The following AGMO variants were observed in gnomAD, a reference collection of about 807,000 sequenced individuals.
AGMO encodes glyceryl-ether monooxygenase.
Under a neutral mutation model 60.2 loss-of-function variants are expected in AGMO, and 75 were observed. The ratio of observed to expected loss-of-function variants is 1.25; its 90% CI spans 1.03 to 1.51. The LOEUF (loss-of-function observed/expected upper bound fraction) is 1.51. Ranked by LOEUF, AGMO falls within the 40% of genes most tolerant of loss-of-function variation. The pLI is 0.00. For missense variants in AGMO, 763 were observed against 525.5 expected (o/e 1.45, Z -4.42); for synonymous variants, 261 against 177.1 (o/e 1.47, Z -3.76).
chr7:15,408,312 G>A (rs1430398552), intron 5 of AGMO, among the ~76,000 whole-genome samples: 8 of 151,820 alleles, frequency 5.3e-5, no homozygotes, highest in Non-Finnish European at 1.2e-4. Context: ...CTCATGTTAG[G>A]AGCACCCTAA....
Position 15,387,389 on chromosome 7 carries a change from C to T in AGMO, c.957+17G>A. 1 of 1,610,272 alleles carries T rather than the reference C, an allele frequency of 6.2e-7. No homozygotes were observed. Among genetic ancestry groups the T allele is most frequent in the Non-Finnish European group, 8.5e-7 (1 of 1,178,526 alleles). On this transcript the variant is annotated intron_variant, in intron 9 of 12. Coordinates refer to ENST00000342526, the MANE Select transcript of AGMO (RefSeq NM_001004320.2). ...GAGACAATCTTCACCATCTCCAATT[C>T]TGTGAACTCTATTTACCTCTGGAAT...
At chr7:15,225,772 ATT>A (rs968124875) in intron 12 of AGMO, among the ~76,000 whole-genome samples, 3 of 151,994 alleles carry the variant, frequency 2.0e-5, no homozygotes, top group African/African-American at 7.2e-5. Context: ...TTCATAAAAT[ATT>A]TAGGAAAAAC....
intron 12 of AGMO, among the ~76,000 whole-genome samples, chr7:15,234,277 T>G (rs902055447): frequency 6.6e-6 from 1 of 152,204 alleles, no homozygotes; most frequent in Admixed American, 6.5e-5. Context: ...AGCTATTTCC[T>G]TGCCATTCCT....
At chr7:15,388,813 C>G (rs1203190332) in intron 8 of AGMO, among the ~76,000 whole-genome samples, 4 of 152,080 alleles carry the variant, frequency 2.6e-5, no homozygotes, top group African/African-American at 9.7e-5. Context: ...TCAAGTATTC[C>G]TAATTATCAC....
chr7:15,542,345 C>G (rs1176375588), intron 3 of AGMO, among the ~76,000 whole-genome samples: 1 of 152,010 alleles, frequency 6.6e-6, no homozygotes, highest in Non-Finnish European at 1.5e-5. Context: ...GGATTCAGTT[C>G]AAAATTTCTA....
chr7:15,287,364 T>C (rs1280816032), intron 12 of AGMO, among the ~76,000 whole-genome samples: 1 of 152,166 alleles, frequency 6.6e-6, no homozygotes, highest in East Asian at 1.9e-4. Context: ...TCCACTCCTA[T>C]TTTCTTTGCC....
chr7:15,389,086 G>A (rs112540441), intron 8 of AGMO, among the ~76,000 whole-genome samples: 3 of 152,038 alleles, frequency 2.0e-5, no homozygotes, highest in Admixed American at 6.6e-5. Flanking sequence ...TATAAATGCC[G>A]TTTTCCTCAG....
At chr7:15,394,216 A>G in intron 5 of AGMO, 37 bp from the exon 6 acceptor site, 5 of 1,386,444 alleles carry the variant, frequency 3.6e-6, no homozygotes, top group South Asian at 1.2e-5. Flanking sequence ...ACATGTAGTT[A>G]TCATTAAATG....
chr7:15,120,539 A>G, the AGMO span, among the ~76,000 whole-genome samples: 1 of 152,114 alleles, frequency 6.6e-6, no homozygotes, highest in Non-Finnish European at 1.5e-5. Context: ...CCTTAGAAGA[A>G]GGAAGACTAC....
rs538753263 is a variant in AGMO, at chr7:15,296,001, T to C, written c.1263+69513A>G. ...TATTTTTAAAAATCAGATAATTTTG[T>C]TGTATATAAAATTTTCTTCAATTAT... On this transcript the variant is annotated intron_variant, in intron 12 of 12. Coordinates refer to ENST00000342526, the MANE Select transcript of AGMO (RefSeq NM_001004320.2). Among the ~76,000 whole-genome samples, 349 of 152,282 alleles carry C rather than the reference T, an allele frequency of 2.3e-3. 1 individual carries two copies. The highest frequency in any genetic ancestry group is 7.7e-3 in the African/African-American group (319 of 41,572).
chr7:15,370,106 C>T (rs1562464855), intron 10 of AGMO, among the ~76,000 whole-genome samples: 2 of 152,062 alleles, frequency 1.3e-5, no homozygotes, highest in South Asian at 2.1e-4. Flanking sequence ...ATCTTTATGT[C>T]CAGGGTACCC....
At chr7:15,198,046 G>A (rs1215897932), downstream of AGMO, among the ~76,000 whole-genome samples, 7 of 152,000 alleles carry the variant, frequency 4.6e-5, no homozygotes, top group African/African-American at 7.2e-5. Flanking sequence ...TACTAATAGA[G>A]GACTACTCAT....
At chr7:15,392,710 A>G (rs1021322071) in intron 6 of AGMO, among the ~76,000 whole-genome samples, 1 of 152,108 alleles carries the variant, frequency 6.6e-6, no homozygotes, top group Non-Finnish European at 1.5e-5. Flanking sequence ...GCAGCAGAAG[A>G]ATCACTTGAA....
intron 9 of AGMO, among the ~76,000 whole-genome samples, chr7:15,386,504 A>G (rs148405973): frequency 6.6e-6 from 1 of 152,358 alleles, no homozygotes; most frequent in African/African-American, 2.4e-5. Flanking sequence ...TTTCACCTAT[A>G]TCAAGTTGGT....
chr7:15,279,511 A>G (rs1783902092), intron 12 of AGMO, among the ~76,000 whole-genome samples: 1 of 151,950 alleles, frequency 6.6e-6, no homozygotes, highest in African/African-American at 2.4e-5. Flanking sequence ...AAAACATGAA[A>G]CTGATTTGTT....
intron 3 of AGMO, among the ~76,000 whole-genome samples, chr7:15,464,366 T>C (rs964427029): frequency 6.6e-6 from 1 of 152,206 alleles, no homozygotes; most frequent in Admixed American, 6.5e-5. Context: ...GATTAAAACA[T>C]AGACTTGAAC....
the AGMO span, among the ~76,000 whole-genome samples, chr7:15,121,172 T>C: frequency 6.6e-6 from 1 of 152,194 alleles, no homozygotes; most frequent in African/African-American, 2.4e-5. Context: ...TATGGCTGCA[T>C]AGTATTCCAT....
intron 2 of AGMO, among the ~76,000 whole-genome samples, chr7:15,550,529 C>G (rs914480702): frequency 6.6e-6 from 1 of 152,038 alleles, no homozygotes; most frequent in African/African-American, 2.4e-5. Context: ...TCAGAGAATA[C>G]TACAAACACC....
intron 12 of AGMO, among the ~76,000 whole-genome samples, chr7:15,325,714 T>C (rs1282057231): frequency 2.0e-5 from 3 of 152,182 alleles, no homozygotes; most frequent in African/African-American, 7.2e-5. Context: ...CCTTATCAGC[T>C]CACATTTTAC....
Sources: allele counts gnomAD v4.1 joint callset (sites outside exome capture counted in the v4.1 genomes callset), GRCh38; gene constraint gnomAD v4.1.1; transcripts MANE v1.5; gene names NCBI Gene and HGNC (gene_info 2026-07-23, HGNC 2026-07-21).